SREBF1: variants seen among roughly 807,000 people sequenced by gnomAD.
The protein encoded by SREBF1 is sterol regulatory element-binding protein 1.
SREBF1 carries 45 observed loss-of-function variants against 100.1 expected under a neutral mutation model. The ratio of observed to expected loss-of-function variants is 0.45; its 90% confidence interval spans 0.35 to 0.58. SREBF1 has a LOEUF of 0.58. SREBF1 is among the 20% of genes least tolerant of loss of function. The pLI, the probability that SREBF1 is intolerant of heterozygous loss-of-function variation, is 0.00. For synonymous variants in SREBF1, 657 were observed against 681.8 expected, an observed-to-expected ratio of 0.96 and a Z score of 0.57; for missense variants, 1,324 against 1,539.4, an observed-to-expected ratio of 0.86 and a Z score of 2.34.
rs770464344 is a variant in SREBF1 at position 17,819,655 on chromosome 17, G to C, written c.594C>G (p.Pro198=). The change falls in exon 3 of 19, where the codon CCC becomes CCG. Residue 198 remains proline, a synonymous_variant. Coordinates refer to ENST00000261646, the MANE Select transcript of SREBF1 (RefSeq NM_004176.5). ...TCTGGACCTGGGTGTGCAAGGAGAC[G>C]GGCGGGACCCCTGGCGGGGAAGCCA... The part of the protein sequence containing the change: ...LPLASPPGVP[P]VSLHTQVQSV... 8.1e-6 allele frequency: 13 copies of C among 1,612,354 alleles called. No individual in the cohort carries two copies. The highest frequency in any genetic ancestry group is 1.1e-5 in the Non-Finnish European group (13 of 1,179,300).
chr17:17,812,556 C>T lies in SREBF1; in HGVS notation c.*66G>A. ...GCCTTCGGCCTTCAAAGCTTCGACGCAGGACAGAAGCTGCACGGGACCAAA... is the reference window on the plus strand; with the variant it reads ...GCCTTCGGCCTTCAAAGCTTCGACGTAGGACAGAAGCTGCACGGGACCAAA... On this transcript the variant is annotated 3_prime_UTR_variant, in exon 19 of 19. Transcript: ENST00000261646. 6.7e-7 allele frequency: 1 copy of T among 1,496,346 alleles called. No homozygotes were observed. Among genetic ancestry groups the T allele is most frequent in the Non-Finnish European group, 9.1e-7 (1 of 1,100,588 alleles). The allele number at this position is 1,496,346 out of a possible 1,614,324, so 92.7% of individuals were successfully genotyped here.
At chr17:17,812,888 G>T in intron 18 of SREBF1, 37 bp from the exon 19 acceptor site, 1 of 1,454,828 alleles carries the variant, frequency 6.9e-7, no homozygotes, top group South Asian at 1.4e-5. Context: ...TGGGTCTCAA[G>T]CTGGCCACGC....
At chr17:17,823,809 G>A (rs1420494562) in intron 1 of SREBF1, among the ~76,000 whole-genome samples, 1 of 151,134 alleles carries the variant, frequency 6.6e-6, no homozygotes, top group Non-Finnish European at 1.5e-5. Flanking sequence ...GCCCGGCCCC[G>A]GCCCCCGCCC....
rs376969367 is a variant in SREBF1 at position 17,815,948 on chromosome 17, G to A, written c.2295C>T (p.His765=). ...CCACGAAGAAACGGTGGCCCACGGGGTGGCAGAGCCACTGCATGGCAGGAG... is the reference window on the plus strand; with the variant it reads ...CCACGAAGAAACGGTGGCCCACGGGATGGCAGAGCCACTGCATGGCAGGAG... ...SVPPAMQWLC[H]PVGHRFFVDG... is the part of the protein sequence containing the mutation. Residue 765 remains histidine (H), a synonymous_variant, in exon 12 of 19, where the codon CAC becomes CAT. Transcript: ENST00000261646. The A allele has an allele frequency of 2.5e-6, 4 of 1,612,918 alleles. No homozygotes were observed. Among genetic ancestry groups the A allele is most frequent in the East Asian group, 2.2e-5 (1 of 44,880 alleles).
At chr17:17,813,224 C>T (rs1400838371) in intron 18 of SREBF1, 144 bp downstream of exon 18, 2 of 855,896 alleles carry the variant, frequency 2.3e-6, no homozygotes, top group Admixed American at 2.0e-5. Context: ...CCAACTGAGC[C>T]TCCCAAAGTG....
intron 1 of SREBF1, among the ~76,000 whole-genome samples, chr17:17,821,581 G>A (rs944667887): frequency 1.3e-5 from 2 of 152,204 alleles, no homozygotes; most frequent in Non-Finnish European, 2.9e-5. Context: ...AACTGCTGAG[G>A]AGTGGGTGAT....
At position 17,820,107 on chromosome 17, in the gene SREBF1, G is replaced by A. The variant is rs778836279; in HGVS notation, c.506C>T (p.Pro169Leu). ...STPVLGYPSP[P>L]GGFSTGSPPG... ...CCCCTTACCTGTAGAGAAGCCTCCC[G>A]GAGGGCTGGGGTAGCCTAACACAGG... The change falls in exon 2 of 19, where the codon CCG becomes CTG. Residue 169 changes from proline to leucine, a missense_variant. By Grantham distance (98) the Pro-to-Leu change is moderately conservative (BLOSUM62 -3). Transcript: ENST00000261646. 40 of 1,611,952 alleles carry A rather than the reference G, an allele frequency of 2.5e-5. No homozygotes were observed. The highest frequency in any genetic ancestry group is 2.8e-5 in the Non-Finnish European group (33 of 1,179,636).
At chr17:17,836,057 C>G (rs1157792310) in intron 1 of SREBF1, among the ~76,000 whole-genome samples, 1 of 152,270 alleles carries the variant, frequency 6.6e-6, no homozygotes, top group Non-Finnish European at 1.5e-5. Flanking sequence ...CAGCCTCGCT[C>G]CACCCAAGGT....
Position 17,816,951 on chromosome 17 carries a change from C to G in SREBF1, c.1785+7G>C. 6.2e-7 allele frequency: 1 copy of G among 1,612,876 alleles called. No homozygotes were observed. Among genetic ancestry groups the G allele is most frequent in the African/African-American group, 1.3e-5 (1 of 75,060 alleles). On this transcript the variant is annotated splice_region_variant and intron_variant, in intron 9 of 18. Transcript: ENST00000261646. The stretch of plus-strand genomic sequence containing the variant: ...CCCTGCCCACTCTGCCGGGGCCAGC[C>G]CCTTACCCGGGCCAGGTCCAGGTCA...
Position 17,816,018 on chromosome 17 carries a change from AG to A in SREBF1, c.2224del (p.Leu742Ter). ...RALHFLTRFF[L>X]SSARQACLAQ... is the part of the protein sequence containing the mutation. ...CAGGCAGGCCTGGCGGGCACTGCTC[AG>A]GAAGAAGCGCTGTAGGGGAGGGTAC... is the stretch of plus-strand genomic sequence containing the variant. On this transcript the variant is annotated frameshift_variant, in exon 12 of 19. Coordinates refer to ENST00000261646, the MANE Select transcript of SREBF1 (RefSeq NM_004176.5). LOFTEE classifies it high-confidence loss of function. The A allele has an allele frequency of 1.9e-6, 3 of 1,612,240 alleles. No homozygotes were observed. Among genetic ancestry groups the A allele is most frequent in the Non-Finnish European group, 2.5e-6 (3 of 1,179,644 alleles).
In SREBF1 at chr17:17,817,525, G is replaced by T. The variant is rs771244150; in HGVS notation, c.1405-68C>A. The T allele has an allele frequency of 7.1e-6, 11 of 1,540,008 alleles. 1 individual carries two copies. The highest frequency in any genetic ancestry group is 4.8e-5 in the South Asian group (4 of 84,120). On this transcript the variant is annotated intron_variant, in intron 7 of 18. Coordinates refer to ENST00000261646, the MANE Select transcript of SREBF1 (RefSeq NM_004176.5). The surrounding 1 kb of genome is among the most constrained non-coding windows in gnomAD (Gnocchi z 6.6). ...CCCCAGAGAGCATGGGGCTGGGAAG[G>T]GGGGGGTCAGGATTCTGCCCACCTT...
At chr17:17,813,850 C>T (rs1004559130) in intron 16 of SREBF1, 81 bp from the exon 17 acceptor site, 114 of 1,398,448 alleles carry the variant, frequency 8.2e-5, no homozygotes, top group Non-Finnish European at 1.0e-4. Flanking sequence ...TGCCAGGGGC[C>T]GGCTCCGGGC....
Position 17,816,290 on chromosome 17 carries a change from A to T in SREBF1, c.2131T>A (p.Ser711Thr). The change falls in exon 11 of 19, where the codon TCT becomes ACT. Residue 711 changes from serine (S) to threonine (T), a missense_variant. Physicochemically the swap from Ser to Thr is moderately conservative, Grantham distance 58. Coordinates refer to ENST00000261646, the MANE Select transcript of SREBF1 (RefSeq NM_004176.5). ...NLAECAGDAVSVATLAEIYVA... is the reference protein window; with the variant it reads ...NLAECAGDAVTVATLAEIYVA... ...TAGATCTCGGCCAGCGTCGCCACAG[A>T]CACGGCATCCCCTGCACACTCTGCC... 1.3e-6 allele frequency: 2 copies of T among 1,514,818 alleles called. No individual in the cohort carries two copies. The highest frequency in any genetic ancestry group is 1.8e-6 in the Non-Finnish European group (2 of 1,137,528). 93.8% of individuals were successfully genotyped at this position (1,514,818 alleles called of 1,614,324 possible).
intron 1 of SREBF1, among the ~76,000 whole-genome samples, chr17:17,831,658 C>CTTAA (rs2034871395): frequency 6.6e-6 from 1 of 152,160 alleles, no homozygotes. Context: ...CTGCCACGGG[C>CTTAA]TTAACAATAA....
At chr17:17,819,859 T>C in intron 2 of SREBF1, 134 bp from the exon 3 acceptor site, 3 of 1,295,466 alleles carry the variant, frequency 2.3e-6, no homozygotes, top group South Asian at 1.5e-5. Context: ...AGTCCCTGCC[T>C]GGGCTCTGAT....
Position 17,815,250 on chromosome 17 carries a change from G to A in SREBF1, c.2463C>T (p.Asn821=). The part of the protein sequence containing the change: ...ERALNCVTQP[N]PSPGSADGDK... ...CCCCATCAGCTGACCCAGGGCTGGG[G>A]TTGGGCTGGGTCACACAGTTCAGTG... Residue 821 remains asparagine, a synonymous_variant, in exon 13 of 19, where the codon AAC becomes AAT. Transcript: ENST00000261646. 1 of 1,613,696 alleles carries A rather than the reference G, an allele frequency of 6.2e-7. No homozygotes were observed. The highest frequency in any genetic ancestry group is 1.1e-5 in the South Asian group (1 of 91,090).
chr17:17,831,925 T>C (rs1225064698), intron 1 of SREBF1, among the ~76,000 whole-genome samples: 4 of 152,190 alleles, frequency 2.6e-5, no homozygotes, highest in Admixed American at 2.0e-4. Context: ...CCCAAGGCCC[T>C]TGGCTGGCTC....
intron 1 of SREBF1, among the ~76,000 whole-genome samples, chr17:17,828,044 C>T (rs142521701): frequency 2.0e-5 from 3 of 152,330 alleles, no homozygotes; most frequent in Admixed American, 2.0e-4. Flanking sequence ...CCTGAACCAG[C>T]TGTGACCCCA....
In SREBF1 at chr17:17,812,810, G is replaced by A. The variant is rs1287496151; in HGVS notation, c.3256C>T (p.His1086Tyr). ...GAGGCCAGCAGCAAGGCCTCCGCGTGCTCCCGCCGCGTGGGCCGCGGCTCC... is the reference window on the plus strand; with the variant it reads ...GAGGCCAGCAGCAAGGCCTCCGCGTACTCCCGCCGCGTGGGCCGCGGCTCC... ...ELEPRPTRREHAEALLLASCY... is the reference protein window; with the variant it reads ...ELEPRPTRREYAEALLLASCY... The change falls in exon 19 of 19, where the codon CAC (histidine) becomes TAC (tyrosine). Residue 1086 changes from histidine (H) to tyrosine (Y), a missense_variant. Physicochemically the swap from His to Tyr is moderately conservative, Grantham distance 83. Coordinates refer to ENST00000261646, the MANE Select transcript of SREBF1 (RefSeq NM_004176.5). 3 of 1,496,240 alleles carry A rather than the reference G, an allele frequency of 2.0e-6. No homozygotes were observed. Among genetic ancestry groups the A allele is most frequent in the Non-Finnish European group, 2.7e-6 (3 of 1,127,376 alleles). The allele number at this position is 1,496,240 out of a possible 1,614,324, so 92.7% of individuals were successfully genotyped here.
Sources: gnomAD v4.1 joint callset for allele counts (sites outside exome capture counted in the v4.1 genomes callset) on GRCh38, gnomAD v4.1.1 for gene constraint, Gnocchi (gnomAD v3.1) non-coding constraint, MANE v1.5 for transcripts, NCBI Gene and HGNC (gene_info 2026-07-23, HGNC 2026-07-21) for gene names.